The following TMEM163 variants were observed in gnomAD, a reference collection of about 807,000 sequenced individuals.
The protein encoded by TMEM163 is transmembrane protein 163.
Under a neutral mutation model 29.3 loss-of-function variants are expected in TMEM163, and 17 were observed. The observed-to-expected ratio is 0.58, with a 90% CI of 0.40 to 0.87. The LOEUF is 0.87. Ranked by LOEUF, TMEM163 falls within the 40% of genes least tolerant of loss-of-function variation. The pLI, the probability that TMEM163 is intolerant of heterozygous loss-of-function variation, is 0.00. For missense variants in TMEM163, 303 were observed against 381.5 expected (o/e 0.79, Z 1.71); for synonymous variants, 157 against 160.6 (o/e 0.98, Z 0.17).
intron 2 of TMEM163, among the ~76,000 whole-genome samples, chr2:134,592,815 T>C (rs1177981897): frequency 6.6e-6 from 1 of 150,430 alleles, no homozygotes; most frequent in Non-Finnish European, 1.5e-5. Context: ...AGATAGACTA[T>C]CTCTCCCTGT....
At chr2:134,709,515 G>A (rs1032467145) in intron 2 of TMEM163, among the ~76,000 whole-genome samples, 4 of 152,172 alleles carry the variant, frequency 2.6e-5, no homozygotes, top group East Asian at 1.9e-4. Flanking sequence ...TAATACTGAC[G>A]TAAGCTAGTT....
At chr2:134,643,128 C>G (rs1288746598) in intron 2 of TMEM163, among the ~76,000 whole-genome samples, 1 of 151,956 alleles carries the variant, frequency 6.6e-6, no homozygotes, top group Non-Finnish European at 1.5e-5. Flanking sequence ...AGAGAAGACA[C>G]AAATTACCAA....
chr2:134,527,147 T>G (rs13032705), intron 4 of TMEM163, among the ~76,000 whole-genome samples: 41,703 of 152,062 alleles, frequency 0.27, 5,902 homozygotes, highest in Middle Eastern at 0.39. Flanking sequence ...CTATTAGCTA[T>G]AACTAGGATA....
chr2:134,461,571 G>C lies in TMEM163; in HGVS notation c.668-3398C>G, dbSNP rs147231382. ...AGCAAGCTTCAGCCCAGTCCCAATA[G>C]CAACAAACCCATGATGACAACACAT... On this transcript the variant is annotated intron_variant, in intron 6 of 7. Coordinates refer to ENST00000281924, the MANE Select transcript of TMEM163 (RefSeq NM_030923.5). 1.2e-4 allele frequency among the ~76,000 whole-genome samples: 18 copies of C among 152,298 alleles called. No individual in the cohort carries two copies. The East Asian group carries it at 3.5e-3, about 29-fold the overall frequency.
At chr2:134,617,683 G>GA (rs58743291) in intron 2 of TMEM163, among the ~76,000 whole-genome samples, 11,289 of 151,120 alleles carry the variant, frequency 0.075, 493 homozygotes, top group South Asian at 0.17. Context: ...AGAATAAACG[G>GA]GAACAACAAA....
chr2:134,467,173 G>C (rs1296626909), intron 5 of TMEM163: 2 of 152,182 alleles, frequency 1.3e-5, no homozygotes, highest in Middle Eastern at 3.2e-3. Context: ...TAGGGTCAAA[G>C]CATCTCTCCG....
At chr2:134,685,588 T>TCCAAGTTAGGTCC (rs1182954696) in intron 2 of TMEM163, among the ~76,000 whole-genome samples, 1 of 152,250 alleles carries the variant, frequency 6.6e-6, no homozygotes, top group Admixed American at 6.5e-5. Flanking sequence ...AAAGTCACTG[T>TCCAAGTTAGGTCC]AAGGTCCAAG....
chr2:134,570,507 T>TATACACATACAC (rs1553481948), intron 2 of TMEM163, among the ~76,000 whole-genome samples: 59 of 127,164 alleles, frequency 4.6e-4, no homozygotes, highest in African/African-American at 1.7e-3. Context: ...TACATATACA[T>TATACACATACAC]ATACATATAC....
chr2:134,591,369 C>T (rs886936366), intron 2 of TMEM163, among the ~76,000 whole-genome samples: 1 of 152,086 alleles, frequency 6.6e-6, no homozygotes, highest in Non-Finnish European at 1.5e-5. Context: ...GTGAGGACAA[C>T]CAGAGGTCAC....
intron 5 of TMEM163, among the ~76,000 whole-genome samples, chr2:134,474,001 A>G (rs971681345): frequency 3.3e-5 from 5 of 152,202 alleles, no homozygotes; most frequent in Admixed American, 2.0e-4. Context: ...AAGAAGAAAC[A>G]CTTCCCAATT....
At chr2:134,478,853 C>G (rs1338000629) in intron 5 of TMEM163, among the ~76,000 whole-genome samples, 4 of 152,184 alleles carry the variant, frequency 2.6e-5, no homozygotes, top group African/African-American at 4.8e-5. Context: ...CCCCTCTCAT[C>G]GCAGCCCCAG....
chr2:134,640,395 G>C (rs1189790183), intron 2 of TMEM163, among the ~76,000 whole-genome samples: 2 of 152,072 alleles, frequency 1.3e-5, no homozygotes, highest in Non-Finnish European at 2.9e-5. Context: ...AGGGTGCCTA[G>C]CCTGCAGAAG....
At chr2:134,604,234 G>A (rs1394428014) in intron 2 of TMEM163, among the ~76,000 whole-genome samples, 1 of 152,154 alleles carries the variant, frequency 6.6e-6, no homozygotes, top group Non-Finnish European at 1.5e-5. Flanking sequence ...CTGCAGCACT[G>A]TTTACAATAC....
chr2:134,564,810 C>T (rs1287847338), intron 2 of TMEM163, among the ~76,000 whole-genome samples: 1 of 152,192 alleles, frequency 6.6e-6, no homozygotes, highest in South Asian at 2.1e-4. Context: ...ACTACATACT[C>T]AAAGTGTGAC....
chr2:134,632,254 A>G (rs988085015), intron 2 of TMEM163, among the ~76,000 whole-genome samples: 1 of 152,112 alleles, frequency 6.6e-6, no homozygotes, highest in African/African-American at 2.4e-5. Context: ...AGCAAGAAAA[A>G]CCAGAGGCCA....
intron 5 of TMEM163, among the ~76,000 whole-genome samples, chr2:134,488,123 G>A (rs149148672): frequency 4.6e-5 from 7 of 152,296 alleles, no homozygotes; most frequent in African/African-American, 1.7e-4. Flanking sequence ...GAAATTATTT[G>A]CAATGCACAT....
chr2:134,563,372 G>C (rs1681225627), intron 2 of TMEM163, among the ~76,000 whole-genome samples: 1 of 152,192 alleles, frequency 6.6e-6, no homozygotes, highest in African/African-American at 2.4e-5. Context: ...TGAGGCACTG[G>C]CAAACTGGCA....
intron 5 of TMEM163, among the ~76,000 whole-genome samples, chr2:134,498,350 T>C (rs1045267933): frequency 2.9e-5 from 4 of 140,348 alleles, no homozygotes; most frequent in African/African-American, 1.1e-4. Context: ...CACTTGCATG[T>C]GGGCTTTTTT....
intron 2 of TMEM163, among the ~76,000 whole-genome samples, chr2:134,570,493 CAT>C (rs1558948930): frequency 8.2e-5 from 11 of 133,434 alleles, no homozygotes; most frequent in African/African-American, 4.4e-4. Flanking sequence ...TATACATATA[CAT>C]ATACATATAC....
Sources: allele counts gnomAD v4.1 joint callset (sites outside exome capture counted in the v4.1 genomes callset), GRCh38; gene constraint gnomAD v4.1.1; transcripts MANE v1.5; gene names NCBI Gene and HGNC (gene_info 2026-07-23, HGNC 2026-07-21).